Variants in DPP10 observed in about 807,000 individuals in gnomAD.
DPP10 encodes inactive dipeptidyl peptidase 10.
DPP10 carries 33 observed loss-of-function variants against 120.9 expected under a neutral mutation model. That is an observed-to-expected ratio of 0.27 (90% CI 0.21 to 0.37). DPP10 has a LOEUF of 0.37. Among genes scored for constraint, DPP10 ranks in the 10% least tolerant of loss-of-function variants. The pLI is 1.00. For missense variants in DPP10, 816 were observed against 942.8 expected (o/e 0.87, Z 1.76); for synonymous variants, 337 against 326.1 (o/e 1.03, Z -0.36).
At chr2:114,480,502 T>C (rs1680928047) in intron 1 of DPP10, among the ~76,000 whole-genome samples, 1 of 151,952 alleles carries the variant, frequency 6.6e-6, no homozygotes, top group Non-Finnish European at 1.5e-5. Flanking sequence ...GTGACACACA[T>C]ACACCATGGA....
chr2:114,730,903 T>C (rs1307712438), intron 1 of DPP10, among the ~76,000 whole-genome samples: 1 of 151,418 alleles, frequency 6.6e-6, no homozygotes, highest in African/African-American at 2.4e-5. Context: ...CTTTTTTTTT[T>C]CTTTTTTTTT....
At chr2:115,665,342 A>G (rs887858909) in intron 5 of DPP10, among the ~76,000 whole-genome samples, 9 of 152,236 alleles carry the variant, frequency 5.9e-5, no homozygotes, top group Admixed American at 2.0e-4. Context: ...GATACCATCA[A>G]TTGAAAGATA....
At chr2:115,270,176 T>A (rs764236062) in intron 1 of DPP10, among the ~76,000 whole-genome samples, 1 of 151,928 alleles carries the variant, frequency 6.6e-6, no homozygotes, top group Non-Finnish European at 1.5e-5. Context: ...AGCTCTTGTC[T>A]GTTCTGCCAA....
chr2:114,691,365 A>G (rs1055297065), intron 1 of DPP10, among the ~76,000 whole-genome samples: 1 of 152,036 alleles, frequency 6.6e-6, no homozygotes, highest in Non-Finnish European at 1.5e-5. Flanking sequence ...GAGGAATCAC[A>G]GTTATTGATT....
At chr2:114,493,221 G>A (rs139567910) in intron 1 of DPP10, among the ~76,000 whole-genome samples, 1,716 of 152,218 alleles carry the variant, frequency 0.011, 28 homozygotes, top group Middle Eastern at 0.044. Flanking sequence ...TTTCAATCCC[G>A]GCTCCACTAT....
intron 1 of DPP10, among the ~76,000 whole-genome samples, chr2:115,251,258 T>G (rs543468788): frequency 6.6e-6 from 1 of 152,234 alleles, no homozygotes; most frequent in African/African-American, 2.4e-5. Context: ...GAGAGGTAGG[T>G]TTGATTGGCC....
intron 1 of DPP10, among the ~76,000 whole-genome samples, chr2:114,553,933 A>G (rs1301405562): frequency 6.6e-6 from 1 of 152,228 alleles, no homozygotes; most frequent in African/African-American, 2.4e-5. Context: ...ATCTTTTTGA[A>G]GCTGGGCTTC....
At chr2:115,247,755 T>C (rs529255258) in intron 1 of DPP10, among the ~76,000 whole-genome samples, 18 of 152,232 alleles carry the variant, frequency 1.2e-4, no homozygotes, top group African/African-American at 4.3e-4. Context: ...GTCTACACTT[T>C]CAAGAAGGTT....
intron 1 of DPP10, among the ~76,000 whole-genome samples, chr2:115,011,593 T>G (rs953971405): frequency 3.9e-5 from 6 of 152,172 alleles, no homozygotes; most frequent in African/African-American, 1.4e-4. Context: ...AATGCTGGCA[T>G]AGTTTGTATT....
chr2:115,331,552 T>C (rs1165701889), intron 2 of DPP10, among the ~76,000 whole-genome samples: 1 of 152,182 alleles, frequency 6.6e-6, no homozygotes, highest in Non-Finnish European at 1.5e-5. Flanking sequence ...TGATATTGGC[T>C]GTGGGTTTGT....
At chr2:114,907,141 A>T (rs1009476700) in intron 1 of DPP10, among the ~76,000 whole-genome samples, 5 of 93,040 alleles carry the variant, frequency 5.4e-5, no homozygotes, top group African/African-American at 7.1e-5. Context: ...TTTCATATTT[A>T]AAAAAAAATA....
At chr2:114,728,227 C>A (rs1415871178) in intron 1 of DPP10, among the ~76,000 whole-genome samples, 1 of 152,134 alleles carries the variant, frequency 6.6e-6, no homozygotes, top group Non-Finnish European at 1.5e-5. Flanking sequence ...AGCCCCCTTT[C>A]CTATGGGAGG....
intron 1 of DPP10, among the ~76,000 whole-genome samples, chr2:115,111,606 C>T (rs1345951086): frequency 6.6e-6 from 1 of 152,052 alleles, no homozygotes; most frequent in Non-Finnish European, 1.5e-5. Context: ...TCTCGTCAAC[C>T]AGGACAATAT....
At chr2:115,653,070 CTT>C (rs2087949243) in intron 5 of DPP10, among the ~76,000 whole-genome samples, 2 of 151,972 alleles carry the variant, frequency 1.3e-5, no homozygotes, top group East Asian at 3.9e-4. Context: ...CTGGTTTATA[CTT>C]CACACACAGA....
chr2:114,774,983 A>G (rs1681599001), intron 1 of DPP10, among the ~76,000 whole-genome samples: 5 of 152,036 alleles, frequency 3.3e-5, no homozygotes, highest in Admixed American at 3.3e-4. Context: ...CGATGAGAAA[A>G]TTGAAATCCA....
chr2:115,124,776 C>G (rs2049989638), intron 1 of DPP10, among the ~76,000 whole-genome samples: 1 of 152,108 alleles, frequency 6.6e-6, no homozygotes, highest in African/African-American at 2.4e-5. Context: ...TCACTAGTGT[C>G]TAAAAGAGTA....
intron 5 of DPP10, chr2:115,580,168 A>G (rs1205185459): frequency 2.0e-5 from 3 of 152,194 alleles, no homozygotes; most frequent in Admixed American, 2.0e-4. Context: ...AGTATTCCAC[A>G]GTATGTACAC....
chr2:115,519,975 A>C (rs954006004), intron 4 of DPP10, among the ~76,000 whole-genome samples: 2 of 152,348 alleles, frequency 1.3e-5, no homozygotes, highest in East Asian at 1.9e-4. Flanking sequence ...GGTATCAAAA[A>C]ACTAATAATG....
At chr2:115,685,015 G>A (rs191615222) in intron 5 of DPP10, among the ~76,000 whole-genome samples, 21 of 151,892 alleles carry the variant, frequency 1.4e-4, no homozygotes, top group Admixed American at 1.1e-3. Context: ...AGATTAAATC[G>A]CAAAGTGGAT....
Sources: allele counts gnomAD v4.1 joint callset (sites outside exome capture counted in the v4.1 genomes callset), GRCh38; gene constraint gnomAD v4.1.1; transcripts MANE v1.5; gene names NCBI Gene and HGNC (gene_info 2026-07-23, HGNC 2026-07-21).